The following CD276 variants were observed in gnomAD, a reference collection of about 807,000 sequenced individuals.
CD276 encodes CD276 antigen.
In CD276, 34 loss-of-function variants were observed where a neutral mutation model predicts 50.0. The observed-to-expected ratio is 0.68, with a 90% CI of 0.52 to 0.91. CD276 has a LOEUF of 0.91. CD276 is among the 40% of genes least tolerant of loss of function. The pLI, the probability that CD276 is intolerant of heterozygous loss-of-function variation, is 0.00. For synonymous variants in CD276, 275 were observed against 313.0 expected, an observed-to-expected ratio of 0.88 and a Z score of 1.28; for missense variants, 634 against 717.5, an observed-to-expected ratio of 0.88 and a Z score of 1.33.
At chr15:73,696,355 T>C (rs985302053) in intron 1 of CD276, among the ~76,000 whole-genome samples, 6 of 152,146 alleles carry the variant, frequency 3.9e-5, no homozygotes, top group Non-Finnish European at 8.8e-5. Context: ...AGCTCTGTGT[T>C]CACAGGACAC....
intron 7 of CD276, 123 bp from the exon 8 acceptor site, chr15:73,709,525 G>T: frequency 1.1e-6 from 1 of 896,688 alleles, no homozygotes; most frequent in Non-Finnish European, 1.8e-6. Flanking sequence ...CTAGCATTTG[G>T]TCCGCAGGTC....
In CD276 at chr15:73,699,634, A is replaced by T. The variant is rs1253236351; in HGVS notation, c.-6A>T. ...GGAGCCCAGCTGTCAGCCGCCTCAC[A>T]GGAAGATGCTGCGTCGGCGGGGCAG... On this transcript the variant is annotated 5_prime_UTR_variant, in exon 2 of 10. Coordinates refer to ENST00000318443, the MANE Select transcript of CD276 (RefSeq NM_001024736.2). 6.2e-7 allele frequency: 1 copy of T among 1,613,622 alleles called. No individual in the cohort carries two copies. Among genetic ancestry groups the T allele is most frequent in the Non-Finnish European group, 8.5e-7 (1 of 1,179,926 alleles).
At chr15:73,710,473 C>T (rs373861686) in intron 8 of CD276, among the ~76,000 whole-genome samples, 8 of 152,114 alleles carry the variant, frequency 5.3e-5, no homozygotes, top group East Asian at 1.9e-4. Flanking sequence ...TGCCCATGGC[C>T]GACTCCCAGG....
rs775446716 is a variant in CD276, at chr15:73,713,605, C to T, written c.*649C>T. 4 of 335,378 alleles carry T rather than the reference C, an allele frequency of 1.2e-5. No individual in the cohort carries two copies. Among genetic ancestry groups the T allele is most frequent in the East Asian group, 1.2e-4 (1 of 8,234 alleles). The allele number at this position is 335,378 out of a possible 1,614,324, so 20.8% of individuals were successfully genotyped here. A position where few individuals can be genotyped will look rare whatever the true frequency, so the allele number is the denominator to read the frequency against. Reference sequence around the variant, plus strand: ...CCCCAAGTGAAGACAGGGCACTCTGCGCCCACCACATGCACAGCTGTGCAT... The same window carrying T: ...CCCCAAGTGAAGACAGGGCACTCTGTGCCCACCACATGCACAGCTGTGCAT... On this transcript the variant is annotated 3_prime_UTR_variant, in exon 10 of 10. Transcript: ENST00000318443.
chr15:73,698,497 C>T (rs1900257536), intron 1 of CD276, among the ~76,000 whole-genome samples: 1 of 152,176 alleles, frequency 6.6e-6, no homozygotes, highest in African/African-American at 2.4e-5. Flanking sequence ...GCTTTGTCTC[C>T]TGTCTGGCCC....
At chr15:73,711,374 G>T in intron 9 of CD276, 1 of 585,466 alleles carries the variant, frequency 1.7e-6, no homozygotes, top group Non-Finnish European at 3.1e-6. Context: ...ATACGACAGA[G>T]GCTTAAGCAG....
At chr15:73,707,428 G>A (rs1008636380) in intron 6 of CD276, among the ~76,000 whole-genome samples, 7 of 152,144 alleles carry the variant, frequency 4.6e-5, no homozygotes, top group Admixed American at 1.3e-4. Context: ...CCCTCTTGAC[G>A]TGACAGCTCT....
rs1193558148 is a variant in CD276 at position 73,703,534 on chromosome 15, A to C, written c.734-125A>C. On this transcript the variant is annotated intron_variant, in intron 4 of 9. Transcript: ENST00000318443. Reference sequence around the variant, plus strand: ...TCAGACTTAATCTGCTTTTGCATCTAAGAAGAAAATAGGAAGATGGAACAG... The same window carrying C: ...TCAGACTTAATCTGCTTTTGCATCTCAGAAGAAAATAGGAAGATGGAACAG... 10 of 788,042 alleles carry C rather than the reference A, an allele frequency of 1.3e-5. No individual in the cohort carries two copies. The African/African-American group carries it at 1.8e-4, about 14-fold the overall frequency. The allele number at this position is 788,042 out of a possible 1,614,324, so 48.8% of individuals were successfully genotyped here.
intron 2 of CD276, among the ~76,000 whole-genome samples, chr15:73,701,095 C>T (rs1255906161): frequency 6.6e-6 from 1 of 151,170 alleles, no homozygotes; most frequent in Admixed American, 6.6e-5. Context: ...GGGGTTTCAC[C>T]ATATCTGCTA....
rs117246148 is a variant in CD276 at position 73,692,186 on chromosome 15, C to T, written c.-54-7400C>T. ...CCTCCGCCAGATAGCCGAGATGTCT[C>T]CTCCTCTGTGCAGTCCTTACTGAGC... On this transcript the variant is annotated intron_variant, in intron 1 of 9. Transcript: ENST00000318443. 8.3e-3 allele frequency among the ~76,000 whole-genome samples: 1,261 copies of T among 152,290 alleles called. 12 individuals carry two copies. The highest frequency in any genetic ancestry group is 0.015 in the Non-Finnish European group (1,036 of 68,032).
Position 73,709,695 on chromosome 15 carries a change from T to C in CD276, c.1546+6T>C, listed in dbSNP as rs1037976902. 2 of 1,610,634 alleles carry C rather than the reference T, an allele frequency of 1.2e-6. No individual in the cohort carries two copies. The highest frequency in any genetic ancestry group is 8.5e-7 in the Non-Finnish European group (1 of 1,178,746). ...GGGAGAAGGCTCCAAGACAGGTGAG[T>C]CTGAACTTGGAGCTGGCCCTCTTGG... On this transcript the variant is annotated splice_donor_region_variant and intron_variant, in intron 8 of 9. Coordinates refer to ENST00000318443, the MANE Select transcript of CD276 (RefSeq NM_001024736.2).
At chr15:73,693,267 A>G (rs1157189983) in intron 1 of CD276, among the ~76,000 whole-genome samples, 1 of 152,114 alleles carries the variant, frequency 6.6e-6, no homozygotes, top group Non-Finnish European at 1.5e-5. Context: ...TCCACCAACA[A>G]ATTATTGAGC....
rs962036624 is a variant in CD276 at position 73,703,893 on chromosome 15, C to G, written c.968C>G (p.Ala323Gly). 6.2e-7 allele frequency: 1 copy of G among 1,613,762 alleles called. No homozygotes were observed. The highest frequency in any genetic ancestry group is 1.3e-5 in the African/African-American group (1 of 75,078). The change falls in exon 5 of 10, where the codon GCA becomes GGA. Residue 323 changes from alanine (A) to glycine (G), a missense_variant. Ala to Gly is a moderately conservative substitution (Grantham distance 60). Coordinates refer to ENST00000318443, the MANE Select transcript of CD276 (RefSeq NM_001024736.2). ...LFPDLLAQGNASLRLQRVRVA... is the reference protein window; with the variant it reads ...LFPDLLAQGNGSLRLQRVRVA... ...CCGGACCTGCTGGCACAAGGCAATGCATCCCTGAGGCTGCAGCGCGTGCGT... is the reference window on the plus strand; with the variant it reads ...CCGGACCTGCTGGCACAAGGCAATGGATCCCTGAGGCTGCAGCGCGTGCGT...
intron 1 of CD276, among the ~76,000 whole-genome samples, chr15:73,688,969 T>C (rs1027636998): frequency 2.0e-5 from 3 of 152,186 alleles, no homozygotes; most frequent in Non-Finnish European, 1.5e-5. Flanking sequence ...CAGATATGTT[T>C]AGGTGGGCAC....
At chr15:73,694,677 A>C (rs1393830181) in intron 1 of CD276, among the ~76,000 whole-genome samples, 1 of 151,976 alleles carries the variant, frequency 6.6e-6, no homozygotes, top group East Asian at 1.9e-4. Context: ...AGCCAGTGGG[A>C]AGGGGGAGGG....
At chr15:73,686,214 CT>C in intron 1 of CD276, 9 of 733,296 alleles carry the variant, frequency 1.2e-5, no homozygotes, top group Non-Finnish European at 1.3e-5. Context: ...CTTCCATGTC[CT>C]TATGGCATTA....
intron 1 of CD276, among the ~76,000 whole-genome samples, chr15:73,694,334 T>C (rs11632314): frequency 0.028 from 4,224 of 152,320 alleles, 84 homozygotes; most frequent in East Asian, 0.058. Flanking sequence ...TCTGATGAGA[T>C]AGTCTCCTGT....
chr15:73,689,820 T>C (rs1400199110), intron 1 of CD276, among the ~76,000 whole-genome samples: 1 of 152,178 alleles, frequency 6.6e-6, no homozygotes, highest in East Asian at 1.9e-4. Context: ...ACATGCGATA[T>C]GGTCACAGCA....
At position 73,695,049 on chromosome 15, in the gene CD276, A is replaced by T. The variant is rs1352926079; in HGVS notation, c.-54-4537A>T. 2.0e-5 allele frequency among the ~76,000 whole-genome samples: 3 copies of T among 152,164 alleles called. No homozygotes were observed. In the East Asian group the frequency reaches 5.8e-4, roughly 29 times the overall value. On this transcript the variant is annotated intron_variant, in intron 1 of 9. Coordinates refer to ENST00000318443, the MANE Select transcript of CD276 (RefSeq NM_001024736.2). ...GAGAAAATGGGTGTAAGTGGACAAC[A>T]ACTAGCAGTTTCTGCCACAGTCACT...
Sources: gnomAD v4.1 joint callset for allele counts (sites outside exome capture counted in the v4.1 genomes callset) on GRCh38, gnomAD v4.1.1 for gene constraint, MANE v1.5 for transcripts, NCBI Gene and HGNC (gene_info 2026-07-23, HGNC 2026-07-21) for gene names.